Variants in BRF1 observed in about 807,000 individuals in gnomAD.
BRF1 encodes the protein transcription factor IIIB 90 kDa subunit.
A neutral mutation model predicts 81.7 loss-of-function variants in BRF1; 59 were observed. That is an observed-to-expected ratio of 0.72 (90% CI 0.59 to 0.90). BRF1 has a LOEUF of 0.90. Among genes scored for constraint, BRF1 ranks in the 40% least tolerant of loss-of-function variants. The pLI is 0.00. For synonymous variants in BRF1, 491 were observed against 395.6 expected, an observed-to-expected ratio of 1.24 and a Z score of -2.86; for missense variants, 1,050 against 936.3, an observed-to-expected ratio of 1.12 and a Z score of -1.58.
At position 105,224,356 on chromosome 14, in the gene BRF1, G is replaced by A. The variant is rs1053818613; in HGVS notation, c.1048+1713C>T. Among the ~76,000 whole-genome samples the A allele has an allele frequency of 5.3e-5, 8 of 152,280 alleles. No individual in the cohort carries two copies. The East Asian group carries it at 1.5e-3, about 29-fold the overall frequency. ...TGCACTCCAGCCTGGGTGACAGAGT[G>A]AGCCTGTCTCCAAAAAAAGAAAAAG... On this transcript the variant is annotated intron_variant, in intron 10 of 17. Transcript: ENST00000547530.
At chr14:105,251,100 T>C (rs190285898) in intron 5 of BRF1, 27 of 203,754 alleles carry the variant, frequency 1.3e-4, no homozygotes, top group Admixed American at 9.5e-4. Flanking sequence ...AACACCCACG[T>C]GTCAGTAAAT....
chr14:105,280,162 A>C (rs2140440081), intron 2 of BRF1, among the ~76,000 whole-genome samples: 1 of 152,352 alleles, frequency 6.6e-6, no homozygotes, highest in East Asian at 1.9e-4. Flanking sequence ...AGGTGAAAGG[A>C]TAAATCAACT....
rs1026065388 is a variant in BRF1, at chr14:105,309,116, T to C, written c.-162+6206A>G. Among the ~76,000 whole-genome samples the C allele has an allele frequency of 6.6e-6, 1 of 152,254 alleles. No homozygotes were observed. Among genetic ancestry groups the C allele is most frequent in the Non-Finnish European group, 1.5e-5 (1 of 68,042 alleles). On this transcript the variant is annotated intron_variant, in intron 1 of 17. Coordinates refer to the BRF1 transcript ENST00000327359. This position sits in a 1 kb window ranked among gnomAD's most constrained non-coding sequence, Gnocchi z 4.0. ...TCTGATGTCTGTGAATGTCCTTGGC[T>C]GATTTCTGTATTAGGGCCTGGGTGT...
intron 8 of BRF1, 70 bp from the exon 9 acceptor site, chr14:105,226,360 G>C (rs12883636): frequency 0.29 from 466,160 of 1,596,724 alleles, 80,994 homozygotes; most frequent in African/African-American, 0.78. Context: ...CTGGGGTGCC[G>C]CGTGGGCCCC....
intron 1 of BRF1, among the ~76,000 whole-genome samples, chr14:105,308,669 G>C (rs1319655117): frequency 6.6e-6 from 1 of 151,718 alleles, no homozygotes; most frequent in Non-Finnish European, 1.5e-5. Context: ...TTTTAGTAGA[G>C]ACAGGGTTTC....
upstream of BRF1, among the ~76,000 whole-genome samples, chr14:105,303,645 T>A (rs1312628766): frequency 6.6e-6 from 1 of 152,258 alleles, no homozygotes; most frequent in Non-Finnish European, 1.5e-5. Flanking sequence ...TAATTACCAC[T>A]TTAGCTGAAT....
intron 1 of BRF1, chr14:105,314,509 C>T (rs1328704209): frequency 6.8e-6 from 1 of 147,754 alleles, no homozygotes; most frequent in Non-Finnish European, 1.5e-5. Flanking sequence ...CGCGTGAGTG[C>T]GCGCTCTCGC....
chr14:105,228,171 C>G (rs1052345761), intron 7 of BRF1: 3 of 152,222 alleles, frequency 2.0e-5, no homozygotes. Context: ...CGGGCCACAG[C>G]AAAAAGGAGA....
At chr14:105,289,314 C>G (rs1438600237) in intron 1 of BRF1, among the ~76,000 whole-genome samples, 2 of 152,234 alleles carry the variant, frequency 1.3e-5, no homozygotes, top group East Asian at 3.8e-4. Flanking sequence ...TGCACTCCAG[C>G]CTGAGCAACA....
intron 4 of BRF1, 24 bp downstream of exon 4, chr14:105,256,494 A>T (rs904178329): frequency 6.2e-7 from 1 of 1,614,056 alleles, no homozygotes; most frequent in African/African-American, 1.3e-5. Context: ...AGGTGGGGAA[A>T]GATGCAGGAC....
At chr14:105,302,029 C>G (rs933460114), upstream of BRF1, among the ~76,000 whole-genome samples, 3 of 151,946 alleles carry the variant, frequency 2.0e-5, no homozygotes, top group African/African-American at 7.2e-5. Flanking sequence ...ATCCCAGCTA[C>G]TCGCGAGTCT....
chr14:105,263,573 G>A (rs1162658431), intron 3 of BRF1, among the ~76,000 whole-genome samples: 1 of 152,080 alleles, frequency 6.6e-6, no homozygotes, highest in African/African-American at 2.4e-5. Context: ...GAACCAAGAC[G>A]GACCAGCAGC....
intron 5 of BRF1, chr14:105,249,028 GCAA>G: frequency 8.4e-7 from 1 of 1,185,198 alleles, no homozygotes; most frequent in Non-Finnish European, 1.0e-6. Flanking sequence ...CCCACACTCG[GCAA>G]CAACCACCAG....
intron 5 of BRF1, chr14:105,249,578 A>G: frequency 6.3e-7 from 1 of 1,586,870 alleles, no homozygotes; most frequent in Non-Finnish European, 8.6e-7. Flanking sequence ...CTCCTCTCCC[A>G]GGCCCAGCCC....
intron 2 of BRF1, among the ~76,000 whole-genome samples, chr14:105,285,916 A>G (rs770430878): frequency 9.8e-4 from 150 of 152,362 alleles, no homozygotes; most frequent in Non-Finnish European, 1.4e-3. Context: ...CAATCATAAG[A>G]CAAATAACCC....
intron 16 of BRF1, 59 bp downstream of exon 16, chr14:105,212,054 C>G: frequency 6.3e-7 from 1 of 1,593,162 alleles, no homozygotes. Context: ...CATCTGGGCC[C>G]AGGAAGAAGT....
intron 5 of BRF1, chr14:105,250,561 G>A (rs1232421877): frequency 6.2e-7 from 1 of 1,614,120 alleles, no homozygotes; most frequent in Non-Finnish European, 8.5e-7. Context: ...AGGAGGGGAT[G>A]ACGGAAGTGC....
At position 105,226,061 on chromosome 14, in the gene BRF1, G is replaced by A; in HGVS notation, c.1048+8C>T. ...GGTCTGAATAGGGGCCGGGCACAGT[G>A]GACTCACCATCTTTTGCCAGGCTGG... is the stretch of plus-strand genomic sequence containing the variant. On this transcript the variant is annotated splice_region_variant and intron_variant, in intron 10 of 17. Coordinates refer to ENST00000547530, the MANE Select transcript of BRF1 (RefSeq NM_001519.4). 3 of 1,612,594 alleles carry A rather than the reference G, an allele frequency of 1.9e-6. No homozygotes were observed. The South Asian group carries it at 3.3e-5, about 18-fold the overall frequency.
chr14:105,225,067 TG>T (rs2141540168), intron 10 of BRF1, among the ~76,000 whole-genome samples: 1 of 152,278 alleles, frequency 6.6e-6, no homozygotes, highest in African/African-American at 2.4e-5. Flanking sequence ...CCAGGAGCCT[TG>T]GGGGCTCCGG....
Sources: allele counts gnomAD v4.1 joint callset (sites outside exome capture counted in the v4.1 genomes callset), GRCh38; gene constraint gnomAD v4.1.1; non-coding constraint Gnocchi (gnomAD v3.1); transcripts MANE v1.5; gene names NCBI Gene and HGNC (gene_info 2026-07-23, HGNC 2026-07-21).